The following EPHA8 variants were observed in gnomAD, a reference collection of about 807,000 sequenced individuals.
EPHA8 encodes the protein EPH receptor A8, also known as ephrin type-A receptor 8.
In EPHA8, 58 loss-of-function variants were observed where a neutral mutation model predicts 103.6. That is an observed-to-expected ratio of 0.56 (90% CI 0.45 to 0.70). The LOEUF (loss-of-function observed/expected upper bound fraction) is 0.70, where lower values mean the gene tolerates loss of function less well. Ranked by LOEUF, EPHA8 falls within the 30% of genes least tolerant of loss-of-function variation. EPHA8 has a pLI of 0.00. For missense variants in EPHA8, 1,304 were observed against 1,395.2 expected (o/e 0.93, Z 1.04); for synonymous variants, 559 against 572.5 (o/e 0.98, Z 0.34).
In EPHA8 at chr1:22,598,826, G is replaced by C. The variant is rs370001856; in HGVS notation, c.2179-12G>C. On this transcript the variant is annotated splice_polypyrimidine_tract_variant and intron_variant, in intron 12 of 16. Coordinates refer to ENST00000166244, the MANE Select transcript of EPHA8 (RefSeq NM_020526.5). The surrounding 1 kb of genome is among the most constrained non-coding windows in gnomAD (Gnocchi z 5.1). Reference sequence around the variant, plus strand: ...CGGGCTTTCCTGAAGTCCAAGCCATGTCCCCCTGCAGACCCACGACGGGCA... The same window carrying C: ...CGGGCTTTCCTGAAGTCCAAGCCATCTCCCCCTGCAGACCCACGACGGGCA... 1 of 1,610,978 alleles carries C rather than the reference G, an allele frequency of 6.2e-7. No individual in the cohort carries two copies. The highest frequency in any genetic ancestry group is 8.5e-7 in the Non-Finnish European group (1 of 1,178,898).
At chr1:22,579,159 A>G (rs993686639) in intron 3 of EPHA8, among the ~76,000 whole-genome samples, 1 of 143,106 alleles carries the variant, frequency 7.0e-6, no homozygotes, top group Non-Finnish European at 1.5e-5. Context: ...GCAAGAGTGT[A>G]TGTATGCATG....
Position 22,563,873 on chromosome 1 carries a change from C to T in EPHA8, c.94+144C>T, listed in dbSNP as rs1490059118. 8 of 152,666 alleles carry T rather than the reference C, an allele frequency of 5.2e-5. No individual in the cohort carries two copies. Among genetic ancestry groups the T allele is most frequent in the African/African-American group, 1.9e-4 (8 of 41,392 alleles). 9.5% of individuals were successfully genotyped at this position (152,666 alleles called of 1,614,324 possible). A position where few individuals can be genotyped will look rare whatever the true frequency, so the allele number is the denominator to read the frequency against. On this transcript the variant is annotated intron_variant, in intron 1 of 16. Coordinates refer to ENST00000166244, the MANE Select transcript of EPHA8 (RefSeq NM_020526.5). This position sits in a 1 kb window ranked among gnomAD's most constrained non-coding sequence, Gnocchi z 4.4. ...CGGCCCGGGGGGCGGGGTGGCACCG[C>T]GGAAGAGACCCGGGATTAAGGGACA...
chr1:22,603,176 C>G lies in EPHA8; in HGVS notation c.*1435C>G, dbSNP rs1385935774. 6.6e-6 allele frequency: 1 copy of G among 152,472 alleles called. No homozygotes were observed. The highest frequency in any genetic ancestry group is 1.5e-5 in the Non-Finnish European group (1 of 68,004). 9.4% of individuals were successfully genotyped at this position (152,472 alleles called of 1,614,324 possible). ...AGCCCAGCTGCCCAGCCCTGCCCCC[C>G]CTCCCCATAGCCAGCACAGCTATCC... On this transcript the variant is annotated 3_prime_UTR_variant, in exon 17 of 17. Transcript: ENST00000166244.
chr1:22,576,560 C>G lies in EPHA8; in HGVS notation c.503C>G (p.Thr168Arg), dbSNP rs142239276. 2.5e-6 allele frequency: 4 copies of G among 1,614,132 alleles called. No homozygotes were observed. Among genetic ancestry groups the G allele is most frequent in the East Asian group, 4.5e-5 (2 of 44,882 alleles). ...GGTGTGCGGCGTCTCAAGCTCAACA[C>G]GGAGGTGCGCAGTGTGGGTCCCCTC... The part of the protein sequence containing the change: ...DLGVRRLKLN[T>R]EVRSVGPLSK... Residue 168 changes from threonine to arginine, a missense_variant, in exon 3 of 17, where the codon ACG becomes AGG. Thr to Arg is a moderately conservative substitution (Grantham distance 71). Coordinates refer to ENST00000166244, the MANE Select transcript of EPHA8 (RefSeq NM_020526.5). This position sits in a 1 kb window ranked among gnomAD's most constrained non-coding sequence, Gnocchi z 4.8.
intron 1 of EPHA8, among the ~76,000 whole-genome samples, chr1:22,566,929 A>G (rs1640376104): frequency 6.6e-6 from 1 of 152,028 alleles, no homozygotes; most frequent in South Asian, 2.1e-4. Context: ...GTCTGGAATG[A>G]ATTGGAACAA....
intron 9 of EPHA8, among the ~76,000 whole-genome samples, 165 bp downstream of exon 9, chr1:22,596,338 A>G (rs916733153): frequency 6.6e-6 from 1 of 152,202 alleles, no homozygotes; most frequent in Non-Finnish European, 1.5e-5. Context: ...CCCAGAGGGC[A>G]GCGCCGTTCA....
At chr1:22,572,965 G>C (rs1240302468) in intron 2 of EPHA8, among the ~76,000 whole-genome samples, 1 of 152,214 alleles carries the variant, frequency 6.6e-6, no homozygotes, top group East Asian at 1.9e-4. Context: ...GGCAGCTGGA[G>C]TAGACTCAGA....
Position 22,597,227 on chromosome 1 carries a change from C to A in EPHA8, c.1766-85C>A. The A allele has an allele frequency of 1.6e-6, 2 of 1,223,222 alleles. No homozygotes were observed. Among genetic ancestry groups the A allele is most frequent in the Non-Finnish European group, 1.1e-6 (1 of 874,010 alleles). 75.8% of individuals were successfully genotyped at this position (1,223,222 alleles called of 1,614,324 possible). ...ACTCCCAGAGACACCCCTCACCCCA[C>A]CCCAGACCCATCCCAGGCCCAGGGA... On this transcript the variant is annotated intron_variant, in intron 9 of 16. Transcript: ENST00000166244. This position sits in a 1 kb window ranked among gnomAD's most constrained non-coding sequence, Gnocchi z 4.6.
chr1:22,565,770 G>C (rs1194240298), intron 1 of EPHA8, among the ~76,000 whole-genome samples: 1 of 152,196 alleles, frequency 6.6e-6, no homozygotes, highest in East Asian at 1.9e-4. Flanking sequence ...GGTCTAGAGA[G>C]AGAGGCAGGT....
rs964275634 is a variant in EPHA8, at chr1:22,600,510, C to G, written c.2389-151C>G. On this transcript the variant is annotated intron_variant, in intron 13 of 16. Transcript: ENST00000166244. ...CTCCACAGCGGCTCTTGTGAGGCCT[C>G]CCTCAGGACAGGTGCTCTGGGACGG... 3 of 1,068,626 alleles carry G rather than the reference C, an allele frequency of 2.8e-6. No homozygotes were observed. In the African/African-American group the frequency reaches 4.8e-5, roughly 17 times the overall value. The allele number at this position is 1,068,626 out of a possible 1,614,324, so 66.2% of individuals were successfully genotyped here.
rs983769501 is a variant in EPHA8 at position 22,569,197 on chromosome 1, G to A, written c.95-92G>A. ...CCGTGTGAGCTGTGTGCTGGGGGCTGAGTGTGGACCAGTGTAGCTGGGTCA... is the reference window on the plus strand; with the variant it reads ...CCGTGTGAGCTGTGTGCTGGGGGCTAAGTGTGGACCAGTGTAGCTGGGTCA... On this transcript the variant is annotated intron_variant, in intron 1 of 16. Coordinates refer to ENST00000166244, the MANE Select transcript of EPHA8 (RefSeq NM_020526.5). The surrounding 1 kb of genome is among the most constrained non-coding windows in gnomAD (Gnocchi z 4.5). 1.6e-5 allele frequency: 20 copies of A among 1,245,672 alleles called. No homozygotes were observed. The Admixed American group carries it at 3.0e-4, about 18-fold the overall frequency. The allele number at this position is 1,245,672 out of a possible 1,614,324, so 77.2% of individuals were successfully genotyped here.
rs1281062159 is a variant in EPHA8, at chr1:22,598,544, T to C, written c.2179-294T>C. Among the ~76,000 whole-genome samples, 1 of 151,886 alleles carries C rather than the reference T, an allele frequency of 6.6e-6. No individual in the cohort carries two copies. Among genetic ancestry groups the C allele is most frequent in the Non-Finnish European group, 1.5e-5 (1 of 67,972 alleles). The stretch of plus-strand genomic sequence containing the variant: ...GGATTCCCAGCTCCTGCCCACAGTT[T>C]CTTTGCTGGGTGCTCTTAGGCACAG... On this transcript the variant is annotated intron_variant, in intron 12 of 16. Transcript: ENST00000166244. The surrounding 1 kb of genome is among the most constrained non-coding windows in gnomAD (Gnocchi z 5.1).
In EPHA8 at chr1:22,602,003, C is replaced by A. The variant is rs1375573526; in HGVS notation, c.*262C>A. The A allele has an allele frequency of 1.8e-6, 1 of 564,006 alleles. No homozygotes were observed. Among genetic ancestry groups the A allele is most frequent in the Non-Finnish European group, 3.1e-6 (1 of 322,166 alleles). The allele number at this position is 564,006 out of a possible 1,614,324, so 34.9% of individuals were successfully genotyped here. On this transcript the variant is annotated 3_prime_UTR_variant, in exon 17 of 17. Transcript: ENST00000166244. ...TCTTTTCCAGAGCCTGGGGCCTCCA[C>A]GTCACAGAGTCCAACAGGGACATCA...
chr1:22,572,200 C>G (rs1027330211), intron 2 of EPHA8, among the ~76,000 whole-genome samples: 1 of 152,138 alleles, frequency 6.6e-6, no homozygotes, highest in Non-Finnish European at 1.5e-5. Flanking sequence ...AAATGTTACC[C>G]GATTATCAGA....
intron 3 of EPHA8, among the ~76,000 whole-genome samples, chr1:22,577,905 GTA>G (rs1491415050): frequency 8.5e-6 from 1 of 118,240 alleles, no homozygotes; most frequent in African/African-American, 3.8e-5. Context: ...GCATGTGTGT[GTA>G]TGTGTGCGTG....
At chr1:22,564,998 T>C (rs747357545) in intron 1 of EPHA8, among the ~76,000 whole-genome samples, 2 of 152,054 alleles carry the variant, frequency 1.3e-5, no homozygotes, top group Non-Finnish European at 1.5e-5. Context: ...GGATTCACAC[T>C]TGTGACCCAG....
chr1:22,593,259 G>C, intron 5 of EPHA8, 67 bp from the exon 6 acceptor site: 1 of 1,520,714 alleles, frequency 6.6e-7, no homozygotes, highest in Non-Finnish European at 8.9e-7. Context: ...GTGGAACCTG[G>C]GAAGGGTTGG....
rs772655283 is a variant in EPHA8 at position 22,601,768 on chromosome 1, C to T, written c.*27C>T. 4 of 1,543,978 alleles carry T rather than the reference C, an allele frequency of 2.6e-6. No individual in the cohort carries two copies. Among genetic ancestry groups the T allele is most frequent in the African/African-American group, 2.7e-5 (2 of 72,916 alleles). ...GTACAGCCAGCAGGGCCCAGGCAGC[C>T]ACCAAGCCCACCCCAGGTCATGCCA... On this transcript the variant is annotated 3_prime_UTR_variant, in exon 17 of 17. Coordinates refer to ENST00000166244, the MANE Select transcript of EPHA8 (RefSeq NM_020526.5).
At position 22,589,181 on chromosome 1, in the gene EPHA8, G is replaced by A. The variant is rs56044578; in HGVS notation, c.1290G>A (p.Val430=). Residue 430 remains valine (V), a synonymous_variant, in exon 5 of 17, where the codon GTG becomes GTA. Coordinates refer to ENST00000166244, the MANE Select transcript of EPHA8 (RefSeq NM_020526.5). This position sits in a 1 kb window ranked among gnomAD's most constrained non-coding sequence, Gnocchi z 4.3. ...DLSPEPRRAA[V]VNITTNQAAP... The stretch of plus-strand genomic sequence containing the variant: ...GCCCCGAGCCCCGCCGGGCCGCTGT[G>A]GTCAACATCACCACGAACCAGGCAG... The A allele has an allele frequency of 0.075, 121,095 of 1,613,852 alleles. 5,217 individuals carry two copies. Among genetic ancestry groups the A allele is most frequent in the South Asian group, 0.18 (16,200 of 91,068 alleles).
Sources: allele counts gnomAD v4.1 joint callset (sites outside exome capture counted in the v4.1 genomes callset), GRCh38; gene constraint gnomAD v4.1.1; non-coding constraint Gnocchi (gnomAD v3.1); transcripts MANE v1.5; gene names NCBI Gene and HGNC (gene_info 2026-07-23, HGNC 2026-07-21).